Variants in EML5 observed in about 807,000 individuals in gnomAD.
The protein encoded by EML5 is echinoderm microtubule-associated protein-like 5.
A neutral mutation model predicts 250.0 loss-of-function variants in EML5; 120 were observed. The observed-to-expected ratio is 0.48, with a 90% CI of 0.41 to 0.56. The LOEUF is 0.56. Among genes scored for constraint, EML5 ranks in the 20% least tolerant of loss-of-function variants. EML5 has a pLI of 0.00. For missense variants in EML5, 2,006 were observed against 2,437.6 expected (o/e 0.82, Z 3.73); for synonymous variants, 771 against 806.5 (o/e 0.96, Z 0.75).
intron 2 of EML5, among the ~76,000 whole-genome samples, chr14:88,749,110 A>AG (rs1323785419): frequency 6.6e-6 from 1 of 152,180 alleles, no homozygotes; most frequent in Non-Finnish European, 1.5e-5. Flanking sequence ...TCATTCACAC[A>AG]GAAAAAACAC....
In EML5 at chr14:88,729,685, G is replaced by T. The variant is rs150276969; in HGVS notation, c.1050-3007C>A. 2.9e-3 allele frequency among the ~76,000 whole-genome samples: 435 copies of T among 151,762 alleles called. 1 individual carries two copies. Among genetic ancestry groups the T allele is most frequent in the African/African-American group, 9.8e-3 (406 of 41,354 alleles). Reference sequence around the variant, plus strand: ...AGTGATTCTCGTGCCTCACCCTCCTGAGTAGCTGGGATTACAAGCATGTGC... The same window carrying T: ...AGTGATTCTCGTGCCTCACCCTCCTTAGTAGCTGGGATTACAAGCATGTGC... On this transcript the variant is annotated intron_variant, in intron 7 of 43. Coordinates refer to ENST00000554922, the MANE Select transcript of EML5 (RefSeq NM_183387.3).
intron 32 of EML5, among the ~76,000 whole-genome samples, chr14:88,636,962 A>G (rs2090771780): frequency 6.6e-6 from 1 of 152,242 alleles, no homozygotes; most frequent in Admixed American, 6.5e-5. Flanking sequence ...GATTCTATCC[A>G]GGAAAAAAGT....
At chr14:88,652,504 T>C (rs940914995) in intron 27 of EML5, among the ~76,000 whole-genome samples, 1 of 152,208 alleles carries the variant, frequency 6.6e-6, no homozygotes, top group Non-Finnish European at 1.5e-5. Flanking sequence ...TAGTCATTTC[T>C]ATCTCTCTGA....
chr14:88,724,224 G>C (rs28573731), intron 8 of EML5, among the ~76,000 whole-genome samples: 1 of 147,874 alleles, frequency 6.8e-6, no homozygotes, highest in African/African-American at 2.5e-5. Context: ...GCAGTGAGCC[G>C]AGATTGCGCC....
chr14:88,635,884 T>C (rs1266599141), intron 32 of EML5, among the ~76,000 whole-genome samples: 4 of 148,916 alleles, frequency 2.7e-5, no homozygotes, highest in Non-Finnish European at 4.5e-5. Context: ...TTTTTCACCA[T>C]GTGAGGATAT....
intron 8 of EML5, among the ~76,000 whole-genome samples, chr14:88,716,544 ATGCCT>A: frequency 6.6e-6 from 1 of 152,288 alleles, no homozygotes; most frequent in Non-Finnish European, 1.5e-5. Flanking sequence ...TTTACTTTTT[ATGCCT>A]CCTTTATTTA....
intron 7 of EML5, among the ~76,000 whole-genome samples, chr14:88,728,719 G>A (rs1329308002): frequency 6.6e-6 from 1 of 152,038 alleles, no homozygotes; most frequent in African/African-American, 2.4e-5. Flanking sequence ...AACCTGTGTT[G>A]TTCAAGGAAT....
intron 1 of EML5, among the ~76,000 whole-genome samples, chr14:88,761,572 A>G (rs906458203): frequency 6.6e-6 from 1 of 152,224 alleles, no homozygotes; most frequent in Admixed American, 6.5e-5. Flanking sequence ...TGTATGTGCC[A>G]CATTTTCTTT....
intron 4 of EML5, among the ~76,000 whole-genome samples, chr14:88,743,187 A>G (rs2093949767): frequency 6.6e-6 from 1 of 152,108 alleles, no homozygotes; most frequent in Non-Finnish European, 1.5e-5. Context: ...GAGAGGAGGA[A>G]TAAGTTCTAC....
At chr14:88,723,840 A>G (rs1469592830) in intron 8 of EML5, among the ~76,000 whole-genome samples, 2 of 152,218 alleles carry the variant, frequency 1.3e-5, no homozygotes, top group Admixed American at 6.5e-5. Flanking sequence ...TGAAGAAAAG[A>G]TAAGTTTTAA....
chr14:88,753,119 C>G (rs1482868305), intron 2 of EML5, among the ~76,000 whole-genome samples: 1 of 152,146 alleles, frequency 6.6e-6, no homozygotes, highest in East Asian at 1.9e-4. Context: ...TTGTTTGTAA[C>G]ACACACCCTC....
intron 2 of EML5, among the ~76,000 whole-genome samples, chr14:88,753,102 A>G (rs2094119357): frequency 6.6e-6 from 1 of 152,136 alleles, no homozygotes; most frequent in African/African-American, 2.4e-5. Context: ...GCTGGTGTCA[A>G]AGAATATTGT....
chr14:88,783,514 G>T (rs919430219), intron 1 of EML5, among the ~76,000 whole-genome samples: 4 of 152,108 alleles, frequency 2.6e-5, no homozygotes, highest in Non-Finnish European at 5.9e-5. Context: ...AAAAGAGCAG[G>T]AGTAGCTATA....
In EML5 at chr14:88,740,541, G is replaced by A. The variant is rs1378179507; in HGVS notation, c.557C>T (p.Pro186Leu). The A allele has an allele frequency of 6.2e-7, 1 of 1,612,312 alleles. No individual in the cohort carries two copies. Among genetic ancestry groups the A allele is most frequent in the African/African-American group, 1.3e-5 (1 of 74,844 alleles). The change falls in exon 5 of 44, where the codon CCA becomes CTA. Residue 186 changes from proline to leucine, a missense_variant. Pro to Leu is a moderately conservative substitution (Grantham distance 98, BLOSUM62 -3). Around this residue, in one of 7 missense-constraint regions of EML5, gnomAD observed 1,375 missense variants for 1,590.3 expected, o/e 0.86. Coordinates refer to ENST00000554922, the MANE Select transcript of EML5 (RefSeq NM_183387.3). Reference protein sequence around the residue: ...FWSLCGNALTPKRGVFGKTGD... With the variant: ...FWSLCGNALTLKRGVFGKTGD... Reference sequence around the variant, plus strand: ...CGTCTTACCAAAGACACCTCGTTTTGGGGTCAGAGCATTTCCACATAAACT... The same window carrying A: ...CGTCTTACCAAAGACACCTCGTTTTAGGGTCAGAGCATTTCCACATAAACT...
At chr14:88,691,023 G>A (rs1228860078) in intron 17 of EML5, among the ~76,000 whole-genome samples, 1 of 152,196 alleles carries the variant, frequency 6.6e-6, no homozygotes, top group African/African-American at 2.4e-5. Context: ...GTTTGTGGCT[G>A]TAACTAGCAT....
chr14:88,752,758 C>A lies in EML5; in HGVS notation c.357+1754G>T, dbSNP rs118095344. ...TGCCAAAATCACTCTGGCCCACAAC[C>A]CCAACCCTGTACCCATAAAATCCCC... On this transcript the variant is annotated intron_variant, in intron 2 of 43. Coordinates refer to ENST00000554922, the MANE Select transcript of EML5 (RefSeq NM_183387.3). 6.3e-3 allele frequency among the ~76,000 whole-genome samples: 962 copies of A among 152,238 alleles called. 10 individuals carry two copies. The highest frequency in any genetic ancestry group is 0.017 in the South Asian group (81 of 4,818).
intron 21 of EML5, 82 bp downstream of exon 21, chr14:88,681,808 T>G (rs2092719438): frequency 7.1e-7 from 1 of 1,401,326 alleles, no homozygotes; most frequent in Non-Finnish European, 9.5e-7. Flanking sequence ...TTTTAAAATG[T>G]GCCTAGTTTT....
At chr14:88,685,362 T>C (rs1001848928) in intron 19 of EML5, among the ~76,000 whole-genome samples, 1 of 152,206 alleles carries the variant, frequency 6.6e-6, no homozygotes, top group Non-Finnish European at 1.5e-5. Flanking sequence ...GATTCTATTC[T>C]CACATTCCCT....
chr14:88,752,877 GAGA>G (rs1411514155), intron 2 of EML5, among the ~76,000 whole-genome samples: 1 of 152,130 alleles, frequency 6.6e-6, no homozygotes, highest in Non-Finnish European at 1.5e-5. Flanking sequence ...GGATGGTCAG[GAGA>G]AGATTATCTT....
Sources: gnomAD v4.1 joint callset for allele counts (sites outside exome capture counted in the v4.1 genomes callset) on GRCh38, gnomAD v4.1.1 for gene constraint, gnomAD v4.1.1 regional missense constraint, MANE v1.5 for transcripts, NCBI Gene and HGNC (gene_info 2026-07-23, HGNC 2026-07-21) for gene names.